ATRX: variants seen among roughly 807,000 people sequenced by gnomAD.
The protein encoded by ATRX is ATRX chromatin remodeler, also known as chromatin remodeler ATRX.
In ATRX, 12 loss-of-function variants were observed where a neutral mutation model predicts 172.6. The ratio of observed to expected loss-of-function variants is 0.07; its 90% CI spans 0.04 to 0.11. ATRX has a LOEUF of 0.11. ATRX is among the 10% of genes least tolerant of loss of function. ATRX has a pLI of 1.00. For synonymous variants in ATRX, 674 were observed against 594.7 expected (o/e 1.13, Z -1.94); for missense variants, 1,368 against 1,767.4 (o/e 0.77, Z 4.05).
chrX:77,566,261 A>G lies in ATRX; in HGVS notation c.6327-7415T>C. Among the ~76,000 whole-genome samples, 3 of 111,832 alleles carry G rather than the reference A, an allele frequency of 2.7e-5. No individual in the cohort carries two copies. In the South Asian group the frequency reaches 1.1e-3, roughly 42 times the overall value. On this transcript the variant is annotated intron_variant, in intron 28 of 34. Coordinates refer to ENST00000373344, the MANE Select transcript of ATRX (RefSeq NM_000489.6). ...TAGAAAAATAATCTTGAAAGAAGAG[A>G]GAAACGACACCTTATCTAAGGGGGG...
chrX:77,638,082 T>TA (rs1476825965), intron 15 of ATRX, among the ~76,000 whole-genome samples: 3 of 111,762 alleles, frequency 2.7e-5, no homozygotes, highest in Non-Finnish European at 5.6e-5. Context: ...ATGAATTTGT[T>TA]AATGTTCAAT....
rs1486407644 is a variant in ATRX at position 77,507,906 on chromosome X, CA to C, written c.*444del. On this transcript the variant is annotated 3_prime_UTR_variant, in exon 35 of 35. Transcript: ENST00000373344. ...CTTTAATCAAGAAATGGATTAAGTA[CA>C]AAAGTATTTCATAACTTGAGGAATC... 2.3e-5 allele frequency: 4 copies of C among 175,978 alleles called. No individual in the cohort carries two copies. Among genetic ancestry groups the C allele is most frequent in the African/African-American group, 5.9e-5 (2 of 33,903 alleles). 14.5% of individuals were successfully genotyped at this position (175,978 alleles called of 1,213,427 possible).
chrX:77,719,887 T>A (rs1304459387), intron 1 of ATRX, among the ~76,000 whole-genome samples: 1 of 111,964 alleles, frequency 8.9e-6, no homozygotes, highest in African/African-American at 3.2e-5. Flanking sequence ...TACATTCTTC[T>A]CAGCACCTCA....
At chrX:77,638,458 G>A (rs45519035) in intron 15 of ATRX, among the ~76,000 whole-genome samples, 1,750 of 112,675 alleles carry the variant, frequency 0.016, 29 homozygotes, top group African/African-American at 0.054. Flanking sequence ...GGGCGACAGA[G>A]TGAGACTCCG....
chrX:77,776,617 T>C (rs2076359611), intron 1 of ATRX, among the ~76,000 whole-genome samples: 1 of 112,319 alleles, frequency 8.9e-6, no homozygotes, highest in Non-Finnish European at 1.9e-5. Context: ...GTTTGACATG[T>C]TAAATAATAA....
intron 1 of ATRX, among the ~76,000 whole-genome samples, chrX:77,721,078 C>T (rs1214886101): frequency 1.8e-5 from 2 of 112,049 alleles, no homozygotes; most frequent in African/African-American, 6.5e-5. Context: ...ACAAAAACCA[C>T]ATGATTATCT....
At chrX:77,738,113 T>C (rs1356473469) in intron 1 of ATRX, among the ~76,000 whole-genome samples, 19 of 110,528 alleles carry the variant, frequency 1.7e-4, no homozygotes, top group Non-Finnish European at 3.2e-4. Flanking sequence ...GGTGGGAAGA[T>C]GATTTGAGCC....
intron 1 of ATRX, among the ~76,000 whole-genome samples, chrX:77,752,895 C>T (rs1009538541): frequency 9.8e-5 from 11 of 111,694 alleles, no homozygotes; most frequent in Non-Finnish European, 1.5e-4. Flanking sequence ...ATTTTCACAT[C>T]GATGGTCATC....
At chrX:77,772,848 ATT>A (rs782051290) in intron 1 of ATRX, among the ~76,000 whole-genome samples, 8 of 98,467 alleles carry the variant, frequency 8.1e-5, no homozygotes, top group Non-Finnish European at 6.2e-5. Context: ...TTCACCACCA[ATT>A]TTTTTTTTTT....
chrX:77,624,773 T>C (rs2067754293), intron 19 of ATRX, among the ~76,000 whole-genome samples: 1 of 112,185 alleles, frequency 8.9e-6, no homozygotes, highest in Admixed American at 9.4e-5. Context: ...ACACATCCCA[T>C]GCTCATGAAT....
At chrX:77,597,746 C>A (rs782408354) in intron 25 of ATRX, among the ~76,000 whole-genome samples, 2 of 111,995 alleles carry the variant, frequency 1.8e-5, no homozygotes, top group Admixed American at 9.5e-5. Context: ...CAATGAGACA[C>A]AATCTCACAC....
intron 30 of ATRX, among the ~76,000 whole-genome samples, chrX:77,552,072 A>G (rs1557056555): frequency 9.0e-6 from 1 of 111,585 alleles, no homozygotes; most frequent in Admixed American, 9.5e-5. Context: ...CGATTCCTCA[A>G]GGATCCAGAA....
intron 28 of ATRX, among the ~76,000 whole-genome samples, chrX:77,568,159 GA>G (rs1159858312): frequency 2.8e-3 from 254 of 90,069 alleles, no homozygotes; most frequent in African/African-American, 5.2e-3. Flanking sequence ...ATTAAAATAG[GA>G]AAAAAAAAAA....
At position 77,508,267 on chromosome X, in the gene ATRX, T is replaced by C; in HGVS notation, c.*84A>G. On this transcript the variant is annotated 3_prime_UTR_variant, in exon 35 of 35. Transcript: ENST00000373344. ...TAAGGGGACCAAACTATTTATACAG[T>C]TGAGTTCTGTTAAGTCATTGATTCC... 9.1e-7 allele frequency: 1 copy of C among 1,099,057 alleles called. No individual in the cohort carries two copies. Among genetic ancestry groups the C allele is most frequent in the Non-Finnish European group, 1.3e-6 (1 of 799,106 alleles). The allele number at this position is 1,099,057 out of a possible 1,213,427, so 90.6% of individuals were successfully genotyped here.
chrX:77,646,617 G>A (rs1325181429), intron 15 of ATRX, among the ~76,000 whole-genome samples: 5 of 111,398 alleles, frequency 4.5e-5, no homozygotes, highest in Non-Finnish European at 9.4e-5. Context: ...TATAGGACTC[G>A]AATAACACTA....
At chrX:77,774,924 G>C (rs1300175811) in intron 1 of ATRX, among the ~76,000 whole-genome samples, 2 of 110,298 alleles carry the variant, frequency 1.8e-5, no homozygotes, top group Non-Finnish European at 3.8e-5. Flanking sequence ...GTTTTGTAGA[G>C]ACAGGGTCTA....
At chrX:77,555,600 C>G (rs782199798) in intron 30 of ATRX, among the ~76,000 whole-genome samples, 8 of 110,748 alleles carry the variant, frequency 7.2e-5, no homozygotes, top group Admixed American at 6.7e-4. Context: ...CAAACTAACA[C>G]AAGAACAGAA....
intron 1 of ATRX, among the ~76,000 whole-genome samples, chrX:77,765,681 AT>A (rs200522391): frequency 0.051 from 5,593 of 109,519 alleles, 153 homozygotes; most frequent in Non-Finnish European, 0.077. Context: ...TTTTTTTTTA[AT>A]TTTTTTTATT....
At chrX:77,733,706 T>TAAAA (rs1244088795) in intron 1 of ATRX, among the ~76,000 whole-genome samples, 7 of 33,034 alleles carry the variant, frequency 2.1e-4, no homozygotes, top group Admixed American at 5.3e-4. Flanking sequence ...CCATCTATGC[T>TAAAA]AAAAAAAAAA....
Sources: gnomAD v4.1 joint callset for allele counts (sites outside exome capture counted in the v4.1 genomes callset) on GRCh38, gnomAD v4.1.1 for gene constraint, MANE v1.5 for transcripts, NCBI Gene and HGNC (gene_info 2026-07-23, HGNC 2026-07-21) for gene names.